Variants in DHX8 observed in about 807,000 individuals in gnomAD.
DHX8 encodes DEAH-box helicase 8.
Under a neutral mutation model 140.7 loss-of-function variants are expected in DHX8, and 67 were observed. The ratio of observed to expected loss-of-function variants is 0.48; its 90% CI spans 0.39 to 0.58. The LOEUF is 0.58. DHX8 is among the 20% of genes least tolerant of loss of function. DHX8 has a pLI of 0.00. For synonymous variants in DHX8, 533 were observed against 553.2 expected (o/e 0.96, Z 0.51); for missense variants, 887 against 1,550.7 (o/e 0.57, Z 7.19).
In DHX8 at chr17:43,492,999, C is replaced by T. The variant is rs982093471; in HGVS notation, c.822C>T (p.Ser274=). Residue 274 remains serine (S), a synonymous_variant, in exon 6 of 23, where the codon AGC becomes AGT. Coordinates refer to ENST00000262415, the MANE Select transcript of DHX8 (RefSeq NM_004941.3). The stretch of plus-strand genomic sequence containing the variant: ...ACATTTATAATGGCAAAGTTACCAG[C>T]ATCATGCAGTTTGGTTGCTTTGTGC... ...IGDIYNGKVT[S]IMQFGCFVQL... 1 of 1,614,162 alleles carries T rather than the reference C, an allele frequency of 6.2e-7. No individual in the cohort carries two copies. Among genetic ancestry groups the T allele is most frequent in the Admixed American group, 1.7e-5 (1 of 60,024 alleles).
intron 22 of DHX8, among the ~76,000 whole-genome samples, 158 bp downstream of exon 22, chr17:43,522,384 G>A (rs1360103015): frequency 6.6e-6 from 1 of 152,058 alleles, no homozygotes; most frequent in African/African-American, 2.4e-5. Flanking sequence ...TAGGCACAAT[G>A]TATCAAACCC....
chr17:43,532,258 G>A (rs1366528332), intron 2 of DHX8, among the ~76,000 whole-genome samples: 1 of 152,230 alleles, frequency 6.6e-6, no homozygotes, highest in Admixed American at 6.5e-5. Flanking sequence ...ACAGCACTTT[G>A]GGAGGCCGAG....
intron 12 of DHX8, among the ~76,000 whole-genome samples, chr17:43,506,636 C>CTT (rs1567687628): frequency 6.6e-6 from 1 of 151,098 alleles, no homozygotes; most frequent in Non-Finnish European, 1.5e-5. Flanking sequence ...AAAAAAAAGC[C>CTT]TTTTTTTATG....
At chr17:43,526,506 T>C (rs528561209), downstream of DHX8, 3 of 1,535,682 alleles carry the variant, frequency 2.0e-6, no homozygotes, top group African/African-American at 2.7e-5. Flanking sequence ...CCCAAAGCAC[T>C]TCCTCCCTGT....
intron 17 of DHX8, among the ~76,000 whole-genome samples, chr17:43,516,341 T>C (rs2154586822): frequency 6.6e-6 from 1 of 152,364 alleles, no homozygotes; most frequent in South Asian, 2.1e-4. Flanking sequence ...TAAAGACTTT[T>C]ACTAAAATTA....
intron 3 of DHX8, among the ~76,000 whole-genome samples, chr17:43,540,938 C>T (rs555167724): frequency 6.6e-6 from 1 of 152,312 alleles, no homozygotes; most frequent in East Asian, 1.9e-4. Flanking sequence ...TTAACTGCTA[C>T]TTTCCATTGA....
chr17:43,517,249 G>A lies in DHX8; in HGVS notation c.2726G>A (p.Arg909Gln), dbSNP rs1970159288. The A allele has an allele frequency of 1.9e-6, 3 of 1,614,158 alleles. No homozygotes were observed. Among genetic ancestry groups the A allele is most frequent in the South Asian group, 1.1e-5 (1 of 91,072 alleles). Residue 909 changes from arginine (R) to glutamine (Q), a missense_variant, in exon 18 of 23, where the codon CGA becomes CAA. Arg to Gln is a conservative substitution (Grantham distance 43). Transcript: ENST00000262415. Reference protein sequence around the residue: ...CYRLYTERAYRDEMLTTNVPE... With the variant: ...CYRLYTERAYQDEMLTTNVPE... Reference sequence around the variant, plus strand: ...AGGTTGTACACAGAACGTGCCTACCGAGATGAAATGCTGACCACCAACGTG... The same window carrying A: ...AGGTTGTACACAGAACGTGCCTACCAAGATGAAATGCTGACCACCAACGTG...
At chr17:43,517,140 G>A (rs750086434) in intron 17 of DHX8, 27 bp from the exon 18 acceptor site, 30 of 1,598,902 alleles carry the variant, frequency 1.9e-5, no homozygotes, top group Non-Finnish European at 2.4e-5. Flanking sequence ...TAACAGATAT[G>A]TTGCTTTTAT....
At chr17:43,529,008 GTC>G (rs1474962336), downstream of DHX8, 1 of 943,892 alleles carries the variant, frequency 1.1e-6, no homozygotes, top group South Asian at 1.5e-5. Context: ...ACAATTTCTT[GTC>G]TCTCTGACTG....
At position 43,524,227 on chromosome 17, in the gene DHX8, C is replaced by T. The variant is rs886642045; in HGVS notation, c.*380C>T. 1.9e-5 allele frequency: 20 copies of T among 1,069,884 alleles called. No homozygotes were observed. The highest frequency in any genetic ancestry group is 2.2e-5 in the Non-Finnish European group (19 of 881,062). 66.3% of individuals were successfully genotyped at this position (1,069,884 alleles called of 1,614,324 possible). On this transcript the variant is annotated 3_prime_UTR_variant, in exon 23 of 23. Coordinates refer to ENST00000262415, the MANE Select transcript of DHX8 (RefSeq NM_004941.3). The stretch of plus-strand genomic sequence containing the variant: ...CCCAGCTAGCAGGAGCTACTGTGCT[C>T]ATCTAAAGTGTTTGCCCCACTTCCC...
intron 9 of DHX8, among the ~76,000 whole-genome samples, chr17:43,498,237 C>T (rs1032057045): frequency 2.0e-5 from 3 of 151,054 alleles, no homozygotes; most frequent in African/African-American, 4.9e-5. Context: ...CTCTGCCTCC[C>T]GGGTTCAAGC....
chr17:43,486,211 A>G (rs552478211), intron 1 of DHX8, among the ~76,000 whole-genome samples: 15 of 151,746 alleles, frequency 9.9e-5, no homozygotes, highest in Non-Finnish European at 1.9e-4. Context: ...AAAAAAAAGT[A>G]CTAATATTGG....
chr17:43,494,844 C>T (rs1968762020), intron 8 of DHX8, among the ~76,000 whole-genome samples: 1 of 144,418 alleles, frequency 6.9e-6, no homozygotes, highest in Admixed American at 7.0e-5. Flanking sequence ...CGGAGTCTCG[C>T]TCTGTCACCC....
At chr17:43,510,650 A>G (rs749536894) in intron 16 of DHX8, among the ~76,000 whole-genome samples, 35 of 152,186 alleles carry the variant, frequency 2.3e-4, no homozygotes, top group Admixed American at 3.9e-4. Flanking sequence ...GGTTGAATCC[A>G]TAGATGGGGA....
At chr17:43,528,713 C>T, downstream of DHX8, 1 of 1,614,132 alleles carries the variant, frequency 6.2e-7, no homozygotes. Flanking sequence ...GGCTCACACA[C>T]AAACTTGTAC....
chr17:43,517,090 C>A (rs907308210), intron 17 of DHX8, 77 bp from the exon 18 acceptor site: 2 of 1,459,490 alleles, frequency 1.4e-6, no homozygotes, highest in Non-Finnish European at 1.8e-6. Context: ...AATTGTCCCC[C>A]TTTTAACAGA....
intron 16 of DHX8, among the ~76,000 whole-genome samples, chr17:43,510,388 C>T (rs1046139412): frequency 3.3e-5 from 5 of 152,130 alleles, no homozygotes; most frequent in African/African-American, 1.2e-4. Context: ...AAGGCTTTTA[C>T]CCATGGTATG....
At chr17:43,504,545 G>T in intron 11 of DHX8, 99 bp from the exon 12 acceptor site, 1 of 1,185,980 alleles carries the variant, frequency 8.4e-7, no homozygotes, top group South Asian at 1.5e-5. Flanking sequence ...GCTGAATTGA[G>T]ATGCTGCATG....
downstream of DHX8, chr17:43,529,058 C>T: frequency 7.4e-7 from 1 of 1,356,058 alleles, no homozygotes; most frequent in African/African-American, 1.4e-5. Flanking sequence ...TGAGAACTGC[C>T]CTGCTGACCC....
Sources: gnomAD v4.1 joint callset for allele counts (sites outside exome capture counted in the v4.1 genomes callset) on GRCh38, gnomAD v4.1.1 for gene constraint, MANE v1.5 for transcripts, NCBI Gene and HGNC (gene_info 2026-07-23, HGNC 2026-07-21) for gene names.